The following TLCD5 variants were observed in gnomAD, a reference collection of about 807,000 sequenced individuals.
TLCD5 encodes TLC domain containing 5.
Under a neutral mutation model 20.5 loss-of-function variants are expected in TLCD5, and 15 were observed. The ratio of observed to expected loss-of-function variants is 0.73; its 90% confidence interval spans 0.49 to 1.13. TLCD5 has a LOEUF of 1.13. Ranked by LOEUF, TLCD5 falls within the 50% of genes most tolerant of loss-of-function variation. The pLI is 0.00. For missense variants in TLCD5, 289 were observed against 305.6 expected (o/e 0.95, Z 0.41); for synonymous variants, 107 against 114.7 (o/e 0.93, Z 0.43).
chr11:120,329,788 C>T lies in TLCD5; in HGVS notation c.200-189C>T, dbSNP rs566892851. Among the ~76,000 whole-genome samples, 5 of 152,220 alleles carry T rather than the reference C, an allele frequency of 3.3e-5. No homozygotes were observed. In the South Asian group the frequency reaches 6.2e-4, roughly 19 times the overall value. On this transcript the variant is annotated intron_variant, in intron 2 of 2. Coordinates refer to ENST00000375095, the MANE Select transcript of TLCD5 (RefSeq NM_001198671.2). ...ACAGCATTTCCTGGGGTCTGAACAT[C>T]GTTTAGTTTGATAAAGACCTAGATT...
At chr11:120,328,133 C>T (rs903413054) in intron 2 of TLCD5, among the ~76,000 whole-genome samples, 2 of 151,770 alleles carry the variant, frequency 1.3e-5, no homozygotes, top group Non-Finnish European at 2.9e-5. Flanking sequence ...GTTGCCCAGG[C>T]TGGGGTGCAG....
At chr11:120,327,823 A>T (rs1227344833) in intron 2 of TLCD5, among the ~76,000 whole-genome samples, 183 bp downstream of exon 2, 2 of 152,130 alleles carry the variant, frequency 1.3e-5, no homozygotes, top group Non-Finnish European at 2.9e-5. Flanking sequence ...TCTGCTTTTC[A>T]TAACTCTCTA....
In TLCD5 at chr11:120,333,095, T is replaced by A. The variant is rs887318262; in HGVS notation, c.*2580T>A. 1 of 152,096 alleles carries A rather than the reference T, an allele frequency of 6.6e-6. No individual in the cohort carries two copies. Among genetic ancestry groups the A allele is most frequent in the African/African-American group, 2.4e-5 (1 of 41,384 alleles). 9.4% of individuals were successfully genotyped at this position (152,096 alleles called of 1,614,324 possible). A position where few individuals can be genotyped will look rare whatever the true frequency, so the allele number is the denominator to read the frequency against. On this transcript the variant is annotated 3_prime_UTR_variant, in exon 3 of 3. Coordinates refer to ENST00000375095, the MANE Select transcript of TLCD5 (RefSeq NM_001198671.2). The surrounding 1 kb of genome is among the most constrained non-coding windows in gnomAD (Gnocchi z 4.5). ...AGCGCCCCTAAAATGCTGGTAAGCTTCTTTCCAACAAAATTGCGGTCAAAG... is the reference window on the plus strand; with the variant it reads ...AGCGCCCCTAAAATGCTGGTAAGCTACTTTCCAACAAAATTGCGGTCAAAG...
rs751705325 is a variant in TLCD5, at chr11:120,330,378, T to C, written c.601T>C (p.Tyr201His). Residue 201 changes from tyrosine (Y) to histidine (H), a missense_variant, in exon 3 of 3, where the codon TAT becomes CAT. Tyr to His is a moderately conservative substitution (Grantham distance 83). Transcript: ENST00000375095. ...TGTGAAGGCTGGGGGAGTAGCGATG[T>C]ATGCTGTGTCTTGGTGTTTCATGTT... ...WFVKAGGVAMYAVSWCFMFSI... is the reference protein window; with the variant it reads ...WFVKAGGVAMHAVSWCFMFSI... 1 of 1,614,096 alleles carries C rather than the reference T, an allele frequency of 6.2e-7. No homozygotes were observed. Among genetic ancestry groups the C allele is most frequent in the African/African-American group, 1.3e-5 (1 of 75,038 alleles).
In TLCD5 at chr11:120,333,012, A is replaced by C. The variant is rs1038827957; in HGVS notation, c.*2497A>C. 9 of 152,054 alleles carry C rather than the reference A, an allele frequency of 5.9e-5. No homozygotes were observed. The highest frequency in any genetic ancestry group is 2.2e-4 in the African/African-American group (9 of 41,378). The allele number at this position is 152,054 out of a possible 1,614,324, so 9.4% of individuals were successfully genotyped here. On this transcript the variant is annotated 3_prime_UTR_variant, in exon 3 of 3. Transcript: ENST00000375095. The surrounding 1 kb of genome is among the most constrained non-coding windows in gnomAD (Gnocchi z 4.5). ...TTTTGCTGGGCATTGAGATAATCTG[A>C]CAGCATCTCCACTTCCTGTTTTTTT...
rs1359942830 is a variant in TLCD5, at chr11:120,333,350, G to A, written c.*2835G>A. ...GTTTTGGGGACACTTTCATGGAACT[G>A]TATGTAGGTTTTTTTGAATGGTGAG... On this transcript the variant is annotated 3_prime_UTR_variant, in exon 3 of 3. Coordinates refer to ENST00000375095, the MANE Select transcript of TLCD5 (RefSeq NM_001198671.2). The surrounding 1 kb of genome is among the most constrained non-coding windows in gnomAD (Gnocchi z 4.5). 1 of 152,156 alleles carries A rather than the reference G, an allele frequency of 6.6e-6. No homozygotes were observed. The highest frequency in any genetic ancestry group is 1.5e-5 in the Non-Finnish European group (1 of 68,022). The allele number at this position is 152,156 out of a possible 1,614,324, so 9.4% of individuals were successfully genotyped here. A position where few individuals can be genotyped will look rare whatever the true frequency, so the allele number is the denominator to read the frequency against.
chr11:120,329,885 T>C (rs1942108583), intron 2 of TLCD5, 92 bp from the exon 3 acceptor site: 1 of 1,306,820 alleles, frequency 7.7e-7, no homozygotes. Context: ...CTTTAGTGTC[T>C]AGTAAGGTTT....
rs200303250 is a variant in TLCD5, at chr11:120,330,054, G to C, written c.277G>C (p.Val93Leu). The C allele has an allele frequency of 1.2e-6, 2 of 1,613,990 alleles. No homozygotes were observed. Among genetic ancestry groups the C allele is most frequent in the African/African-American group, 2.7e-5 (2 of 74,880 alleles). ...GYFIFDLGWC[V>L]YFQSEGALML... ...CTTCATCTTCGACTTGGGCTGGTGC[G>C]TCTACTTTCAGTCTGAGGGTGCCTT... Residue 93 changes from valine (V) to leucine (L), a missense_variant, in exon 3 of 3, where the codon GTC becomes CTC. Val to Leu is a conservative substitution (Grantham distance 32). Coordinates refer to ENST00000375095, the MANE Select transcript of TLCD5 (RefSeq NM_001198671.2).
At position 120,330,369 on chromosome 11, in the gene TLCD5, G is replaced by A; in HGVS notation, c.592G>A (p.Val198Ile). 6.2e-7 allele frequency: 1 copy of A among 1,613,806 alleles called. No homozygotes were observed. The highest frequency in any genetic ancestry group is 8.5e-7 in the Non-Finnish European group (1 of 1,179,862). ...TPKWFVKAGG[V>I]AMYAVSWCFM... is the part of the protein sequence containing the mutation. ...TAAGTGGTTTGTGAAGGCTGGGGGA[G>A]TAGCGATGTATGCTGTGTCTTGGTG... Residue 198 changes from valine (V) to isoleucine (I), a missense_variant, in exon 3 of 3, where the codon GTA (valine) becomes ATA (isoleucine). Transcript: ENST00000375095.
rs1207849815 is a variant in TLCD5, at chr11:120,330,366, G to A, written c.589G>A (p.Gly197Arg). Residue 197 changes from glycine (G) to arginine (R), a missense_variant, in exon 3 of 3, where the codon GGA (glycine) becomes AGA (arginine). Transcript: ENST00000375095. ...PTPKWFVKAG[G>R]VAMYAVSWCF... is the part of the protein sequence containing the mutation. ...GCCTAAGTGGTTTGTGAAGGCTGGG[G>A]GAGTAGCGATGTATGCTGTGTCTTG... is the stretch of plus-strand genomic sequence containing the variant. The A allele has an allele frequency of 3.1e-6, 5 of 1,613,702 alleles. No individual in the cohort carries two copies. Among genetic ancestry groups the A allele is most frequent in the Non-Finnish European group, 4.2e-6 (5 of 1,179,812 alleles).
Position 120,333,244 on chromosome 11 carries a change from C to T in TLCD5, c.*2729C>T, listed in dbSNP as rs1266685770. On this transcript the variant is annotated 3_prime_UTR_variant, in exon 3 of 3. Coordinates refer to ENST00000375095, the MANE Select transcript of TLCD5 (RefSeq NM_001198671.2). This position sits in a 1 kb window ranked among gnomAD's most constrained non-coding sequence, Gnocchi z 4.5. ...TGGCACAGTGCAACCTGTTCCATACCAGACAAATGAACAGGCTTAATCTGG... is the reference window on the plus strand; with the variant it reads ...TGGCACAGTGCAACCTGTTCCATACTAGACAAATGAACAGGCTTAATCTGG... The T allele has an allele frequency of 6.6e-6, 1 of 152,160 alleles. No individual in the cohort carries two copies. The highest frequency in any genetic ancestry group is 6.5e-5 in the Admixed American group (1 of 15,274). 9.4% of individuals were successfully genotyped at this position (152,160 alleles called of 1,614,324 possible).
chr11:120,327,637 C>T lies in TLCD5; in HGVS notation c.196C>T (p.Pro66Ser). The T allele has an allele frequency of 6.2e-7, 1 of 1,611,746 alleles. No individual in the cohort carries two copies. The highest frequency in any genetic ancestry group is 8.5e-7 in the Non-Finnish European group (1 of 1,178,832). ...TGATGGCCCATGGCCTTTTACCCAC[C>T]CAGGTAGGTAGGGGATTTTCCCTTA... The part of the protein sequence containing the change: ...FIDGPWPFTH[P>S]GSPNTPLQVH... The change falls in exon 2 of 3, where the codon CCA becomes TCA. Residue 66 changes from proline (P) to serine (S), a missense_variant. Coordinates refer to ENST00000375095, the MANE Select transcript of TLCD5 (RefSeq NM_001198671.2).
chr11:120,327,354 G>T lies in TLCD5; in HGVS notation c.-1-87G>T, dbSNP rs1480963553. 4 of 1,603,268 alleles carry T rather than the reference G, an allele frequency of 2.5e-6. No homozygotes were observed. The South Asian group carries it at 4.5e-5, about 18-fold the overall frequency. On this transcript the variant is annotated intron_variant, in intron 1 of 2. Transcript: ENST00000375095. ...AATATTTTTGAACTATTCTATAATA[G>T]AAATGAGGATATATACACAAAATGA... is the stretch of plus-strand genomic sequence containing the variant.
In TLCD5 at chr11:120,333,624, AT is replaced by A; in HGVS notation, c.*3112del. On this transcript the variant is annotated 3_prime_UTR_variant, in exon 3 of 3. Transcript: ENST00000375095. The surrounding 1 kb of genome is among the most constrained non-coding windows in gnomAD (Gnocchi z 4.5). ...TGATAACGAACACTGTTCAAGAACG[AT>A]TTATATTTCCATAAGATTTGTACTA... 1 of 152,332 alleles carries A rather than the reference AT, an allele frequency of 6.6e-6. No individual in the cohort carries two copies. Among genetic ancestry groups the A allele is most frequent in the East Asian group, 1.9e-4 (1 of 5,190 alleles). 9.4% of individuals were successfully genotyped at this position (152,332 alleles called of 1,614,324 possible). A position where few individuals can be genotyped will look rare whatever the true frequency, so the allele number is the denominator to read the frequency against.
chr11:120,329,033 A>G (rs1345158446), intron 2 of TLCD5, among the ~76,000 whole-genome samples: 2 of 138,328 alleles, frequency 1.4e-5, no homozygotes, highest in African/African-American at 5.7e-5. Context: ...GTGTTTGTAT[A>G]TGTATGCGTA....
chr11:120,330,539 A>T lies in TLCD5; in HGVS notation c.*24A>T. On this transcript the variant is annotated 3_prime_UTR_variant, in exon 3 of 3. Transcript: ENST00000375095. ...AGCCAAGGCTTGCTCCAGATTATGG[A>T]TTGGGTTAAGTCAGCCATGGGAACC... 6.3e-7 allele frequency: 1 copy of T among 1,590,342 alleles called. No homozygotes were observed. The highest frequency in any genetic ancestry group is 8.6e-7 in the Non-Finnish European group (1 of 1,167,472).
rs991418457 is a variant in TLCD5, at chr11:120,332,490, A to G, written c.*1975A>G. On this transcript the variant is annotated 3_prime_UTR_variant, in exon 3 of 3. Coordinates refer to ENST00000375095, the MANE Select transcript of TLCD5 (RefSeq NM_001198671.2). This position sits in a 1 kb window ranked among gnomAD's most constrained non-coding sequence, Gnocchi z 4.2. The stretch of plus-strand genomic sequence containing the variant: ...GGAAGCATCAGTCCATTCCATGGCC[A>G]CTGGTAATCTAACGTAATGAATGGT... The G allele has an allele frequency of 1.3e-5, 2 of 152,236 alleles. No homozygotes were observed. The highest frequency in any genetic ancestry group is 2.9e-5 in the Non-Finnish European group (2 of 68,088). 9.4% of individuals were successfully genotyped at this position (152,236 alleles called of 1,614,324 possible).
rs953952196 is a variant in TLCD5 at position 120,329,934 on chromosome 11, A to G, written c.200-43A>G. On this transcript the variant is annotated intron_variant, in intron 2 of 2. Transcript: ENST00000375095. The stretch of plus-strand genomic sequence containing the variant: ...ATAGGATCCCTGTGCAAGGTAACAC[A>G]ATTCCCAGTCACTCAATTTGCTTCT... 9 of 1,576,074 alleles carry G rather than the reference A, an allele frequency of 5.7e-6. No homozygotes were observed. In the African/African-American group the frequency reaches 9.4e-5, roughly 16 times the overall value.
rs562017454 is a variant in TLCD5, at chr11:120,333,623, G to C, written c.*3108G>C. 6.6e-6 allele frequency: 1 copy of C among 152,252 alleles called. No homozygotes were observed. Among genetic ancestry groups the C allele is most frequent in the Non-Finnish European group, 1.5e-5 (1 of 68,012 alleles). The allele number at this position is 152,252 out of a possible 1,614,324, so 9.4% of individuals were successfully genotyped here. ...ATGATAACGAACACTGTTCAAGAAC[G>C]ATTTATATTTCCATAAGATTTGTAC... On this transcript the variant is annotated 3_prime_UTR_variant, in exon 3 of 3. Coordinates refer to ENST00000375095, the MANE Select transcript of TLCD5 (RefSeq NM_001198671.2). The surrounding 1 kb of genome is among the most constrained non-coding windows in gnomAD (Gnocchi z 4.5).
Sources: allele counts gnomAD v4.1 joint callset (sites outside exome capture counted in the v4.1 genomes callset), GRCh38; gene constraint gnomAD v4.1.1; non-coding constraint Gnocchi (gnomAD v3.1); transcripts MANE v1.5; gene names NCBI Gene and HGNC (gene_info 2026-07-23, HGNC 2026-07-21).